Variants in HOXD10 observed in about 807,000 individuals in gnomAD.
HOXD10 encodes homeobox D10, also known as homeobox protein Hox-D10.
A neutral mutation model predicts 27.0 loss-of-function variants in HOXD10; 15 were observed. That is an observed-to-expected ratio of 0.56 (90% CI 0.37 to 0.85). The LOEUF is 0.85. Ranked by LOEUF, HOXD10 falls within the 40% of genes least tolerant of loss-of-function variation. HOXD10 has a pLI of 0.00. For synonymous variants in HOXD10, 178 were observed against 160.9 expected, an observed-to-expected ratio of 1.11 and a Z score of -0.80; for missense variants, 440 against 430.4, an observed-to-expected ratio of 1.02 and a Z score of -0.20.
Position 176,119,086 on chromosome 2 carries a change from G to A in HOXD10, c.878G>A (p.Arg293His). The A allele has an allele frequency of 2.5e-6, 4 of 1,614,056 alleles. No individual in the cohort carries two copies. The highest frequency in any genetic ancestry group is 3.4e-6 in the Non-Finnish European group (4 of 1,180,008). Residue 293 changes from arginine to histidine, a missense_variant, in exon 2 of 2, where the codon CGC (arginine) becomes CAC (histidine). Transcript: ENST00000249501. ...TTCTTGTTCAATATGTACCTCACCC[G>A]CGAGCGCCGCCTAGAGATCAGTAAG... ...KEFLFNMYLT[R>H]ERRLEISKSV...
intron 1 of HOXD10, among the ~76,000 whole-genome samples, chr2:176,117,933 G>A (rs887454705): frequency 6.6e-6 from 1 of 152,184 alleles, no homozygotes; most frequent in Non-Finnish European, 1.5e-5. Flanking sequence ...TTCCAGTTTT[G>A]CCTTGAGCCC....
In HOXD10 at chr2:176,119,456, TATATATATAA is replaced by T. The variant is rs1689829701; in HGVS notation, c.*227_*236del. 3.4e-5 allele frequency: 5 copies of T among 146,276 alleles called. No individual in the cohort carries two copies. Among genetic ancestry groups the T allele is most frequent in the East Asian group, 2.9e-4 (1 of 3,408 alleles). The allele number at this position is 146,276 out of a possible 1,614,324, so 9.1% of individuals were successfully genotyped here. A position where few individuals can be genotyped will look rare whatever the true frequency, so the allele number is the denominator to read the frequency against. On this transcript the variant is annotated 3_prime_UTR_variant, in exon 2 of 2. Coordinates refer to ENST00000249501, the MANE Select transcript of HOXD10 (RefSeq NM_002148.4). ...ATGAGTATATATATATATATATATA[TATATATATAA>T]AAACTTAGCACGTGTAATTTATTAT...
At chr2:176,118,688 A>G (rs539972198) in intron 1 of HOXD10, among the ~76,000 whole-genome samples, 2 of 152,292 alleles carry the variant, frequency 1.3e-5, no homozygotes, top group African/African-American at 2.4e-5. Flanking sequence ...CCAAATGCAG[A>G]CTGTCCTGCC....
At position 176,117,297 on chromosome 2, in the gene HOXD10, G is replaced by A. The variant is rs1277860898; in HGVS notation, c.464G>A (p.Ser155Asn). Residue 155 changes from serine to asparagine, a missense_variant, in exon 1 of 2, where the codon AGT becomes AAT. Physicochemically the swap from Ser to Asn is conservative, Grantham distance 46 (BLOSUM62 1). Coordinates refer to ENST00000249501, the MANE Select transcript of HOXD10 (RefSeq NM_002148.4). ...EVPVPGYFRL[S>N]QTYATGKTQE... ...CCCGTCCCTGGATATTTTAGACTGA[G>A]TCAGACCTACGCCACCGGGAAAACC... The A allele has an allele frequency of 6.2e-7, 1 of 1,613,142 alleles. No individual in the cohort carries two copies. The highest frequency in any genetic ancestry group is 1.7e-5 in the Admixed American group (1 of 59,966).
At chr2:176,118,792 G>A (rs984672353) in intron 1 of HOXD10, among the ~76,000 whole-genome samples, 162 bp from the exon 2 acceptor site, 3 of 152,064 alleles carry the variant, frequency 2.0e-5, no homozygotes, top group Non-Finnish European at 2.9e-5. Context: ...TTTCCAAAGC[G>A]GCCTGGCTGC....
At position 176,119,100 on chromosome 2, in the gene HOXD10, G is replaced by C. The variant is rs760655502; in HGVS notation, c.892G>C (p.Glu298Gln). The C allele has an allele frequency of 2.5e-6, 4 of 1,614,090 alleles. No homozygotes were observed. The highest frequency in any genetic ancestry group is 1.7e-5 in the Admixed American group (1 of 60,022). Residue 298 changes from glutamate (E) to glutamine (Q), a missense_variant, in exon 2 of 2, where the codon GAG becomes CAG. Physicochemically the swap from Glu to Gln is conservative, Grantham distance 29. Coordinates refer to ENST00000249501, the MANE Select transcript of HOXD10 (RefSeq NM_002148.4). ...NMYLTRERRL[E>Q]ISKSVNLTDR... ...GTACCTCACCCGCGAGCGCCGCCTA[G>C]AGATCAGTAAGAGCGTTAACCTCAC...
In HOXD10 at chr2:176,117,479, G is replaced by T. The variant is rs939576278; in HGVS notation, c.646G>T (p.Val216Leu). Residue 216 changes from valine (V) to leucine (L), a missense_variant, in exon 1 of 2, where the codon GTG becomes TTG. Coordinates refer to ENST00000249501, the MANE Select transcript of HOXD10 (RefSeq NM_002148.4). ...CCAGGAGCCCACCAAAGTCTCCCAG[G>T]TGGAGAGCCCCGAGGCCAAAGGCGG... is the stretch of plus-strand genomic sequence containing the variant. Reference protein sequence around the residue: ...SGQEPTKVSQVESPEAKGGLP... With the variant: ...SGQEPTKVSQLESPEAKGGLP... The T allele has an allele frequency of 6.2e-7, 1 of 1,613,144 alleles. No individual in the cohort carries two copies. Among genetic ancestry groups the T allele is most frequent in the South Asian group, 1.1e-5 (1 of 91,084 alleles).
Position 176,119,031 on chromosome 2 carries a change from A to G in HOXD10, c.823A>G (p.Lys275Glu), listed in dbSNP as rs1214766645. Reference protein sequence around the residue: ...SGRKKRCPYTKHQTLELEKEF... With the variant: ...SGRKKRCPYTEHQTLELEKEF... ...CAGAAAGAAGAGGTGCCCTTACACT[A>G]AGCACCAAACGCTGGAATTAGAAAA... The change falls in exon 2 of 2, where the codon AAG becomes GAG. Residue 275 changes from lysine (K) to glutamate (E), a missense_variant. Lys to Glu is a moderately conservative substitution (Grantham distance 56, BLOSUM62 1). Transcript: ENST00000249501. 1 of 1,613,860 alleles carries G rather than the reference A, an allele frequency of 6.2e-7. No individual in the cohort carries two copies. Among genetic ancestry groups the G allele is most frequent in the Non-Finnish European group, 8.5e-7 (1 of 1,179,860 alleles).
rs375696608 is a variant in HOXD10 at position 176,117,646 on chromosome 2, C to G, written c.745+68C>G. 7 of 1,575,502 alleles carry G rather than the reference C, an allele frequency of 4.4e-6. 1 individual carries two copies. The highest frequency in any genetic ancestry group is 1.7e-5 in the Admixed American group (1 of 59,944). On this transcript the variant is annotated intron_variant, in intron 1 of 1. Coordinates refer to ENST00000249501, the MANE Select transcript of HOXD10 (RefSeq NM_002148.4). ...CGGGAACCCGGCAGAGAGGGAGTGC[C>G]GGGGTGCCCAGCGCCGAGCCGGAGC... is the stretch of plus-strand genomic sequence containing the variant.
Position 176,119,097 on chromosome 2 carries a change from C to A in HOXD10, c.889C>A (p.Leu297Ile). ...FNMYLTRERR[L>I]EISKSVNLTD... The stretch of plus-strand genomic sequence containing the variant: ...TATGTACCTCACCCGCGAGCGCCGC[C>A]TAGAGATCAGTAAGAGCGTTAACCT... The change falls in exon 2 of 2, where the codon CTA (leucine) becomes ATA (isoleucine). Residue 297 changes from leucine to isoleucine, a missense_variant. Coordinates refer to ENST00000249501, the MANE Select transcript of HOXD10 (RefSeq NM_002148.4). The A allele has an allele frequency of 6.2e-7, 1 of 1,614,044 alleles. No individual in the cohort carries two copies. The highest frequency in any genetic ancestry group is 8.5e-7 in the Non-Finnish European group (1 of 1,180,024).
At position 176,117,389 on chromosome 2, in the gene HOXD10, G is replaced by T; in HGVS notation, c.556G>T (p.Ala186Ser). The T allele has an allele frequency of 6.2e-7, 1 of 1,613,360 alleles. No individual in the cohort carries two copies. The highest frequency in any genetic ancestry group is 8.5e-7 in the Non-Finnish European group (1 of 1,180,018). The change falls in exon 1 of 2, where the codon GCC becomes TCC. Residue 186 changes from alanine (A) to serine (S), a missense_variant. Coordinates refer to ENST00000249501, the MANE Select transcript of HOXD10 (RefSeq NM_002148.4). Reference sequence around the variant, plus strand: ...GCTCCAGCTCAACCCTCGTGGCGCGGCCAAGCCGCAGCTCTCCGCTGCCCA... The same window carrying T: ...GCTCCAGCTCAACCCTCGTGGCGCGTCCAAGCCGCAGCTCTCCGCTGCCCA... Reference protein sequence around the residue: ...VMLQLNPRGAAKPQLSAAQLQ... With the variant: ...VMLQLNPRGASKPQLSAAQLQ...
intron 1 of HOXD10, among the ~76,000 whole-genome samples, 163 bp downstream of exon 1, chr2:176,117,741 T>TC (rs1323141027): frequency 6.6e-6 from 1 of 152,206 alleles, no homozygotes; most frequent in African/African-American, 2.4e-5. Flanking sequence ...TCCCCGCTTC[T>TC]CCCCTGCTGC....
In HOXD10 at chr2:176,119,082, A is replaced by G; in HGVS notation, c.874A>G (p.Thr292Ala). ...AGAGTTCTTGTTCAATATGTACCTC[A>G]CCCGCGAGCGCCGCCTAGAGATCAG... ...EKEFLFNMYLTRERRLEISKS... is the reference protein window; with the variant it reads ...EKEFLFNMYLARERRLEISKS... Residue 292 changes from threonine (T) to alanine (A), a missense_variant, in exon 2 of 2, where the codon ACC (threonine) becomes GCC (alanine). By Grantham distance (58) the Thr-to-Ala change is moderately conservative (BLOSUM62 0). Coordinates refer to ENST00000249501, the MANE Select transcript of HOXD10 (RefSeq NM_002148.4). The G allele has an allele frequency of 1.2e-6, 2 of 1,614,090 alleles. No homozygotes were observed. The highest frequency in any genetic ancestry group is 1.7e-6 in the Non-Finnish European group (2 of 1,180,028).
At chr2:176,118,894 AAAAAC>A in intron 1 of HOXD10, 55 bp from the exon 2 acceptor site, 1 of 1,457,802 alleles carries the variant, frequency 6.9e-7, no homozygotes, top group Non-Finnish European at 9.4e-7. Flanking sequence ...AAACAAAAAC[AAAAAC>A]AAACAAACAA....
chr2:176,117,326 G>C lies in HOXD10; in HGVS notation c.493G>C (p.Glu165Gln). 1 of 1,613,910 alleles carries C rather than the reference G, an allele frequency of 6.2e-7. No homozygotes were observed. ...SQTYATGKTQ[E>Q]YNNSPEGSST... ...GACCTACGCCACCGGGAAAACCCAA[G>C]AGTACAATAATAGCCCCGAAGGCAG... The change falls in exon 1 of 2, where the codon GAG becomes CAG. Residue 165 changes from glutamate (E) to glutamine (Q), a missense_variant. Glu to Gln is a conservative substitution (Grantham distance 29). Transcript: ENST00000249501.
At position 176,117,473 on chromosome 2, in the gene HOXD10, T is replaced by C. The variant is rs1689780333; in HGVS notation, c.640T>C (p.Ser214Pro). 6.2e-7 allele frequency: 1 copy of C among 1,612,958 alleles called. No homozygotes were observed. Among genetic ancestry groups the C allele is most frequent in the Non-Finnish European group, 8.5e-7 (1 of 1,180,016 alleles). Residue 214 changes from serine to proline, a missense_variant, in exon 1 of 2, where the codon TCC becomes CCC. Ser to Pro is a moderately conservative substitution (Grantham distance 74). Transcript: ENST00000249501. ...GAGCGGCCAGGAGCCCACCAAAGTCTCCCAGGTGGAGAGCCCCGAGGCCAA... is the reference window on the plus strand; with the variant it reads ...GAGCGGCCAGGAGCCCACCAAAGTCCCCCAGGTGGAGAGCCCCGAGGCCAA... ...PVSGQEPTKVSQVESPEAKGG... is the reference protein window; with the variant it reads ...PVSGQEPTKVPQVESPEAKGG...
rs1689828690 is a variant in HOXD10 at position 176,119,437 on chromosome 2, A to ATG, written c.*207_*208insGT. 4.3e-5 allele frequency: 6 copies of ATG among 138,302 alleles called. No homozygotes were observed. Among genetic ancestry groups the ATG allele is most frequent in the African/African-American group, 2.0e-4 (6 of 30,418 alleles). 8.6% of individuals were successfully genotyped at this position (138,302 alleles called of 1,614,324 possible). On this transcript the variant is annotated 3_prime_UTR_variant, in exon 2 of 2. Coordinates refer to ENST00000249501, the MANE Select transcript of HOXD10 (RefSeq NM_002148.4). Reference sequence around the variant, plus strand: ...CAAGTGATCTGTAATCCCTATGAGTATATATATATATATATATATATATAT... The same window carrying ATG: ...CAAGTGATCTGTAATCCCTATGAGTATGTATATATATATATATATATATATAT...
Position 176,117,042 on chromosome 2 carries a change from A to G in HOXD10, c.209A>G (p.Asn70Ser). Residue 70 changes from asparagine to serine, a missense_variant, in exon 1 of 2, where the codon AAT becomes AGT. Asn to Ser is a conservative substitution (Grantham distance 46). Coordinates refer to ENST00000249501, the MANE Select transcript of HOXD10 (RefSeq NM_002148.4). ...REVNHQNMGM[N>S]VHPYIPQVDS... ...GTGAACCACCAAAATATGGGTATGA[A>G]TGTGCATCCTTATATACCTCAAGTA... 6.2e-7 allele frequency: 1 copy of G among 1,614,200 alleles called. No homozygotes were observed. Among genetic ancestry groups the G allele is most frequent in the Non-Finnish European group, 8.5e-7 (1 of 1,180,032 alleles).
rs6147035 is a variant in HOXD10, at chr2:176,119,435, G to GTATA, written c.*231_*234dup. 4,202 of 177,864 alleles carry GTATA rather than the reference G, an allele frequency of 0.024. 181 individuals are homozygous for GTATA. The highest frequency in any genetic ancestry group is 0.036 in the East Asian group (498 of 13,708). The allele number at this position is 177,864 out of a possible 1,614,324, so 11.0% of individuals were successfully genotyped here. A position where few individuals can be genotyped will look rare whatever the true frequency, so the allele number is the denominator to read the frequency against. ...TGCAAGTGATCTGTAATCCCTATGA[G>GTATA]TATATATATATATATATATATATAT... On this transcript the variant is annotated 3_prime_UTR_variant, in exon 2 of 2. Transcript: ENST00000249501.
Sources: gnomAD v4.1 joint callset for allele counts (sites outside exome capture counted in the v4.1 genomes callset) on GRCh38, gnomAD v4.1.1 for gene constraint, MANE v1.5 for transcripts, NCBI Gene and HGNC (gene_info 2026-07-23, HGNC 2026-07-21) for gene names.